C5orf63: variants seen among roughly 807,000 people sequenced by gnomAD.
The protein encoded by C5orf63 is chromosome 5 open reading frame 63, also known as glutaredoxin-like protein C5orf63.
C5orf63 carries 18 observed loss-of-function variants against 13.3 expected under a neutral mutation model. The observed-to-expected ratio is 1.36, with a 90% CI of 0.94 to 2.01. C5orf63 has a LOEUF of 2.01. Among genes scored for constraint, C5orf63 ranks in the 30% most tolerant of loss-of-function variants. The pLI is 0.00. For missense variants in C5orf63, 118 were observed against 127.7 expected (o/e 0.92, Z 0.36); for synonymous variants, 38 against 44.7 (o/e 0.85, Z 0.60).
chr5:127,045,165 A>G (rs1185857275), downstream of C5orf63: 1 of 152,204 alleles, frequency 6.6e-6, no homozygotes, highest in Non-Finnish European at 1.5e-5. Flanking sequence ...GGTCAAGGAA[A>G]CATTTGTATT....
intron 3 of C5orf63, among the ~76,000 whole-genome samples, chr5:127,056,224 C>A (rs895638942): frequency 1.3e-5 from 2 of 152,124 alleles, no homozygotes; most frequent in Non-Finnish European, 1.5e-5. Flanking sequence ...CCAATCAGAG[C>A]CAGTGGGTAG....
At position 127,065,089 on chromosome 5, in the gene C5orf63, A is replaced by T. The variant is rs568083064; in HGVS notation, c.-7-6087T>A. 2.6e-5 allele frequency among the ~76,000 whole-genome samples: 4 copies of T among 152,348 alleles called. No homozygotes were observed. In the South Asian group the frequency reaches 8.3e-4, roughly 32 times the overall value. On this transcript the variant is annotated intron_variant, in intron 2 of 4. Transcript: ENST00000296662. ...CTCCACATGTTTGATACAAGTAACA[A>T]GAATAACAAGATGTATTTCAGTTAT...
At chr5:127,048,116 A>G (rs1418174473), downstream of C5orf63, among the ~76,000 whole-genome samples, 2 of 151,936 alleles carry the variant, frequency 1.3e-5, no homozygotes, top group Non-Finnish European at 2.9e-5. Context: ...TGGGCTCTCC[A>G]TTCGAGCAGA....
downstream of C5orf63, chr5:127,042,690 C>A: frequency 6.6e-6 from 1 of 151,552 alleles, no homozygotes; most frequent in African/African-American, 2.4e-5. Flanking sequence ...CAGAAGGAAT[C>A]ATTCTTGAAT....
intron 3 of C5orf63, among the ~76,000 whole-genome samples, chr5:127,054,365 G>A (rs565222624): frequency 5.9e-5 from 9 of 152,148 alleles, no homozygotes; most frequent in African/African-American, 9.7e-5. Context: ...GCATAAAAGC[G>A]TTCCTGTTTC....
downstream of C5orf63, chr5:127,043,137 T>G (rs1352206999): frequency 6.6e-6 from 1 of 152,256 alleles, no homozygotes; most frequent in Non-Finnish European, 1.5e-5. Context: ...GTATTTTTCA[T>G]GTAGTCACAT....
In C5orf63 at chr5:127,052,645, C is replaced by T. The variant is rs1753721386; in HGVS notation, c.139G>A (p.Ala47Thr). 6.6e-7 allele frequency: 1 copy of T among 1,509,144 alleles called. No homozygotes were observed. The highest frequency in any genetic ancestry group is 8.8e-7 in the Non-Finnish European group (1 of 1,137,382). The allele number at this position is 1,509,144 out of a possible 1,614,324, so 93.5% of individuals were successfully genotyped here. ...TKDPCPLCDE[A>T]KEVLKPYENR... is the part of the protein sequence containing the mutation. ...TCATAAGGCTTGAGTACTTCCTTGG[C>T]TTCATCACAAAGGGGGCATGGGTCC... Residue 47 changes from alanine (A) to threonine (T), a missense_variant, in exon 4 of 5, where the codon GCC (alanine) becomes ACC (threonine). Ala to Thr is a moderately conservative substitution (Grantham distance 58). Coordinates refer to ENST00000296662, the MANE Select transcript of C5orf63 (RefSeq NM_001164478.2).
At position 127,052,617 on chromosome 5, in the gene C5orf63, T is replaced by G. The variant is rs1753719854; in HGVS notation, c.167A>C (p.Asn56Thr). 6.7e-7 allele frequency: 1 copy of G among 1,500,556 alleles called. No individual in the cohort carries two copies. The highest frequency in any genetic ancestry group is 2.4e-5 in the Admixed American group (1 of 42,402). The allele number at this position is 1,500,556 out of a possible 1,614,324, so 93.0% of individuals were successfully genotyped here. A position where few individuals can be genotyped will look rare whatever the true frequency, so the allele number is the denominator to read the frequency against. Residue 56 changes from asparagine to threonine, a missense_variant, in exon 4 of 5, where the codon AAC becomes ACC. Transcript: ENST00000296662. ...AGCCACACTGTATTATATTACCCTG[T>G]TTTCATAAGGCTTGAGTACTTCCTT... is the stretch of plus-strand genomic sequence containing the variant. Reference protein sequence around the residue: ...EAKEVLKPYENRFILQEVNIT... With the variant: ...EAKEVLKPYETRFILQEVNIT...
At chr5:127,062,072 T>G (rs1754131069) in intron 2 of C5orf63, among the ~76,000 whole-genome samples, 1 of 152,244 alleles carries the variant, frequency 6.6e-6, no homozygotes, top group Non-Finnish European at 1.5e-5. Context: ...AAGGCTTTTT[T>G]AAAAACTTCA....
intron 2 of C5orf63, among the ~76,000 whole-genome samples, chr5:127,069,801 AT>A (rs1314710533): frequency 1.3e-5 from 2 of 152,124 alleles, no homozygotes; most frequent in African/African-American, 4.8e-5. Context: ...CATTGATAGA[AT>A]TTTTTTAATG....
At chr5:127,064,470 A>G (rs1050719558) in intron 2 of C5orf63, among the ~76,000 whole-genome samples, 6 of 152,216 alleles carry the variant, frequency 3.9e-5, no homozygotes, top group Non-Finnish European at 8.8e-5. Context: ...GGGCCCGGCT[A>G]TACATGGTGT....
rs1392289767 is a variant in C5orf63 at position 127,058,903 on chromosome 5, A to G, written c.93T>C (p.Pro31=). 4 of 1,536,070 alleles carry G rather than the reference A, an allele frequency of 2.6e-6. No homozygotes were observed. The highest frequency in any genetic ancestry group is 2.7e-5 in the African/African-American group (2 of 73,142). Reference sequence around the variant, plus strand: ...GTACCTTTGTGAATAAGGTCAACACAGGCAGAGTTGTCTTAGAGGCAGAGC... The same window carrying G: ...GTACCTTTGTGAATAAGGTCAACACGGGCAGAGTTGTCTTAGAGGCAGAGC... ...RNCSASKTTL[P]VLTLFTKDPC... Residue 31 remains proline, a synonymous_variant, in exon 3 of 5, where the codon CCT becomes CCC. Coordinates refer to ENST00000296662, the MANE Select transcript of C5orf63 (RefSeq NM_001164478.2).
downstream of C5orf63, chr5:127,046,952 G>C (rs559049275): frequency 6.6e-6 from 1 of 152,284 alleles, no homozygotes; most frequent in African/African-American, 2.4e-5. Context: ...GTTTTGGGTG[G>C]TTCTTTAATT....
chr5:127,058,284 A>G (rs1432724791), intron 3 of C5orf63, among the ~76,000 whole-genome samples: 2 of 152,346 alleles, frequency 1.3e-5, no homozygotes, highest in East Asian at 3.9e-4. Flanking sequence ...AAGTGAGAAC[A>G]TGCAGTATTT....
In C5orf63 at chr5:127,055,394, C is replaced by A. The variant is rs1580527051; in HGVS notation, c.115-2725G>T. On this transcript the variant is annotated intron_variant, in intron 3 of 4. Transcript: ENST00000296662. ...ACATCGGCAGATTTTAAAGGTCTGACTGAACAGGGACCTGCTATAGGTTCT... is the reference window on the plus strand; with the variant it reads ...ACATCGGCAGATTTTAAAGGTCTGAATGAACAGGGACCTGCTATAGGTTCT... Among the ~76,000 whole-genome samples, 3 of 152,306 alleles carry A rather than the reference C, an allele frequency of 2.0e-5. No individual in the cohort carries two copies. The East Asian group carries it at 5.8e-4, about 29-fold the overall frequency.
chr5:127,060,541 T>C (rs1280410026), intron 2 of C5orf63, among the ~76,000 whole-genome samples: 1 of 152,238 alleles, frequency 6.6e-6, no homozygotes, highest in East Asian at 1.9e-4. Context: ...GGCTTCATCA[T>C]TTATCAGTAT....
At chr5:127,047,665 A>G (rs1753547718), downstream of C5orf63, 1 of 700,036 alleles carries the variant, frequency 1.4e-6, no homozygotes. Context: ...TGGTGGATGA[A>G]TTTTTCACTG....
chr5:127,055,950 A>G (rs1470015879), intron 3 of C5orf63, among the ~76,000 whole-genome samples: 1 of 152,194 alleles, frequency 6.6e-6, no homozygotes, highest in Non-Finnish European at 1.5e-5. Context: ...AAAGAACCAA[A>G]AAAAGATACC....
rs191256812 is a variant in C5orf63, at chr5:127,051,485, C to T, written c.*286G>A. Reference sequence around the variant, plus strand: ...TGCCCAGTGACTGTGAAGTGCTTCTCTATTAATACAAAAAGGATAAATAAG... The same window carrying T: ...TGCCCAGTGACTGTGAAGTGCTTCTTTATTAATACAAAAAGGATAAATAAG... On this transcript the variant is annotated 3_prime_UTR_variant, in exon 5 of 5. Coordinates refer to ENST00000296662, the MANE Select transcript of C5orf63 (RefSeq NM_001164478.2). 37 of 1,235,178 alleles carry T rather than the reference C, an allele frequency of 3.0e-5. No individual in the cohort carries two copies. In the East Asian group the frequency reaches 9.7e-4, roughly 32 times the overall value. The allele number at this position is 1,235,178 out of a possible 1,614,324, so 76.5% of individuals were successfully genotyped here.
Sources: allele counts gnomAD v4.1 joint callset (sites outside exome capture counted in the v4.1 genomes callset), GRCh38; gene constraint gnomAD v4.1.1; transcripts MANE v1.5; gene names NCBI Gene and HGNC (gene_info 2026-07-23, HGNC 2026-07-21).